The following KNDC1 variants were observed in gnomAD, a reference collection of about 807,000 sequenced individuals.
KNDC1 encodes the protein kinase non-catalytic C-lobe domain-containing protein 1.
KNDC1 carries 106 observed loss-of-function variants against 172.8 expected under a neutral mutation model. The ratio of observed to expected loss-of-function variants is 0.61; its 90% CI spans 0.52 to 0.72. The LOEUF (loss-of-function observed/expected upper bound fraction) is 0.72. Ranked by LOEUF, KNDC1 falls within the 30% of genes least tolerant of loss-of-function variation. The pLI is 0.00. For synonymous variants in KNDC1, 1,083 were observed against 1,062.2 expected (o/e 1.02, Z -0.38); for missense variants, 2,325 against 2,394.5 (o/e 0.97, Z 0.61).
chr10:133,188,186 G>A (rs932776310), intron 6 of KNDC1, among the ~76,000 whole-genome samples: 5 of 152,186 alleles, frequency 3.3e-5, no homozygotes, highest in Admixed American at 2.6e-4. Context: ...TGGGAACATG[G>A]GTGTGCACGT....
rs757206268 is a variant in KNDC1 at position 133,186,390 on chromosome 10, A to G, written c.1042A>G (p.Arg348Gly). 5 of 1,612,786 alleles carry G rather than the reference A, an allele frequency of 3.1e-6. No homozygotes were observed. Among genetic ancestry groups the G allele is most frequent in the African/African-American group, 1.3e-5 (1 of 75,048 alleles). The change falls in exon 6 of 30, where the codon AGG becomes GGG. Residue 348 changes from arginine (R) to glycine (G), a missense_variant. Physicochemically the swap from Arg to Gly is moderately radical, Grantham distance 125. Transcript: ENST00000304613. ...GGACCCCAGGAAGGCCTTTCTGGAC[A>G]GGAAAAATGGCCTTTCTAGCTTCCA... ...SPDPRKAFLD[R>G]KNGLSSFQAQ...
intron 16 of KNDC1, among the ~76,000 whole-genome samples, chr10:133,200,979 G>A (rs962115064): frequency 6.6e-5 from 10 of 152,230 alleles, no homozygotes; most frequent in African/African-American, 2.4e-4. Flanking sequence ...CCCTCAGGCT[G>A]TCCGTAGTCG....
intron 1 of KNDC1, among the ~76,000 whole-genome samples, chr10:133,160,778 G>GT (rs1427609034): frequency 6.6e-6 from 1 of 152,186 alleles, no homozygotes; most frequent in Non-Finnish European, 1.5e-5. Flanking sequence ...ACGGCGGCGG[G>GT]TGGGCAGCCC....
intron 5 of KNDC1, among the ~76,000 whole-genome samples, chr10:133,185,301 TGTAGA>T (rs1465209373): frequency 6.7e-6 from 1 of 148,972 alleles, no homozygotes; most frequent in African/African-American, 2.5e-5. Flanking sequence ...GTGTGTGCAG[TGTAGA>T]GTAGGCAGTG....
At chr10:133,211,940 C>A in intron 23 of KNDC1, 82 bp downstream of exon 23, 1 of 1,343,068 alleles carries the variant, frequency 7.4e-7, no homozygotes, top group Non-Finnish European at 1.0e-6. Context: ...ACAACTGGTG[C>A]ATGCACACAC....
chr10:133,168,171 C>T (rs1853241130), intron 2 of KNDC1, 83 bp from the exon 3 acceptor site: 1 of 1,292,974 alleles, frequency 7.7e-7, no homozygotes, highest in Non-Finnish European at 1.1e-6. Flanking sequence ...GGGCCGCTCC[C>T]TCTCCAGGCC....
At chr10:133,188,174 G>C (rs925361362) in intron 6 of KNDC1, among the ~76,000 whole-genome samples, 9 of 152,190 alleles carry the variant, frequency 5.9e-5, no homozygotes, top group African/African-American at 2.2e-4. Flanking sequence ...GAGCCGTGCT[G>C]CTGGGAACAT....
At chr10:133,189,246 C>T (rs1053372238) in intron 7 of KNDC1, among the ~76,000 whole-genome samples, 1 of 152,144 alleles carries the variant, frequency 6.6e-6, no homozygotes, top group African/African-American at 2.4e-5. Flanking sequence ...GTCCGTCCAC[C>T]GTGAGCCCGT....
At position 133,199,498 on chromosome 10, in the gene KNDC1, T is replaced by C. The variant is rs771197428; in HGVS notation, c.2799T>C (p.Thr933=). ...CCTTGAAAGATCTCACCTTTGCCAC[T>C]TTCTGTGGCGCCATTTCCGAGAAGT... is the stretch of plus-strand genomic sequence containing the variant. ...IFALKDLTFA[T]FCGAISEKFC... The change falls in exon 15 of 30, where the codon ACT becomes ACC. Residue 933 remains threonine, a synonymous_variant. Coordinates refer to ENST00000304613, the MANE Select transcript of KNDC1 (RefSeq NM_152643.8). 42 of 1,613,830 alleles carry C rather than the reference T, an allele frequency of 2.6e-5. No homozygotes were observed. The Admixed American group carries it at 6.8e-4, about 26-fold the overall frequency.
intron 3 of KNDC1, among the ~76,000 whole-genome samples, chr10:133,180,329 T>A (rs995833096): frequency 1.3e-5 from 2 of 152,162 alleles, no homozygotes; most frequent in African/African-American, 4.8e-5. Context: ...GCTCTGCACC[T>A]CGAGGGCCGA....
chr10:133,162,945 T>C (rs1166774603), intron 1 of KNDC1, among the ~76,000 whole-genome samples: 1 of 152,194 alleles, frequency 6.6e-6, no homozygotes. Flanking sequence ...CTGGAGGAAG[T>C]GACCAGGTTG....
In KNDC1 at chr10:133,219,851, C is replaced by G; in HGVS notation, c.4861-104C>G. On this transcript the variant is annotated intron_variant, in intron 28 of 29. Coordinates refer to ENST00000304613, the MANE Select transcript of KNDC1 (RefSeq NM_152643.8). ...CCGGGTAGACCCCGTGCGTGGAGAA[C>G]GCAGGACCCGCTGGGACTGGTTGGG... is the stretch of plus-strand genomic sequence containing the variant. 2 of 1,176,262 alleles carry G rather than the reference C, an allele frequency of 1.7e-6. 1 individual carries two copies. The highest frequency in any genetic ancestry group is 3.3e-5 in the South Asian group (2 of 60,706). The allele number at this position is 1,176,262 out of a possible 1,614,324, so 72.9% of individuals were successfully genotyped here.
chr10:133,195,386 G>A (rs552763341), intron 9 of KNDC1, among the ~76,000 whole-genome samples: 31 of 152,320 alleles, frequency 2.0e-4, no homozygotes, highest in African/African-American at 7.0e-4. Context: ...GAGAGTGGAA[G>A]GTGGGAAAGT....
chr10:133,211,648 G>C, intron 22 of KNDC1, 31 bp from the exon 23 acceptor site: 1 of 1,590,820 alleles, frequency 6.3e-7, no homozygotes, highest in Non-Finnish European at 8.6e-7. Context: ...GAAGGTGGCA[G>C]TGACCCCCCC....
chr10:133,185,040 G>A (rs888370196), intron 5 of KNDC1, among the ~76,000 whole-genome samples: 33 of 152,410 alleles, frequency 2.2e-4, no homozygotes, highest in African/African-American at 7.0e-4. Flanking sequence ...ACGGAGCCCC[G>A]TGGGGCCTCA....
Position 133,168,133 on chromosome 10 carries a change from G to T in KNDC1, c.302-121G>T, listed in dbSNP as rs550079177. On this transcript the variant is annotated intron_variant, in intron 2 of 29. Coordinates refer to ENST00000304613, the MANE Select transcript of KNDC1 (RefSeq NM_152643.8). ...TTTTCATGGCCTAAAATGGTCTGGG[G>T]ACACCAGGTCTGCGGGGAGGGAACC... 3 of 833,034 alleles carry T rather than the reference G, an allele frequency of 3.6e-6. No individual in the cohort carries two copies. The African/African-American group carries it at 5.0e-5, about 14-fold the overall frequency. 51.6% of individuals were successfully genotyped at this position (833,034 alleles called of 1,614,324 possible). A position where few individuals can be genotyped will look rare whatever the true frequency, so the allele number is the denominator to read the frequency against.
At position 133,209,869 on chromosome 10, in the gene KNDC1, C is replaced by T. The variant is rs1845319903; in HGVS notation, c.3795-742C>T. 6.6e-6 allele frequency among the ~76,000 whole-genome samples: 1 copy of T among 152,096 alleles called. No individual in the cohort carries two copies. The highest frequency in any genetic ancestry group is 2.1e-4 in the South Asian group (1 of 4,834). ...AGGAGGCCTTGCCAGGCCTCCGCTTCCTGACCGTGGCCGTCGGGCTCCCAG... is the reference window on the plus strand; with the variant it reads ...AGGAGGCCTTGCCAGGCCTCCGCTTTCTGACCGTGGCCGTCGGGCTCCCAG... On this transcript the variant is annotated intron_variant, in intron 20 of 29. Coordinates refer to ENST00000304613, the MANE Select transcript of KNDC1 (RefSeq NM_152643.8). This position sits in a 1 kb window ranked among gnomAD's most constrained non-coding sequence, Gnocchi z 4.9.
intron 19 of KNDC1, 52 bp from the exon 20 acceptor site, chr10:133,207,085 A>G: frequency 6.5e-7 from 1 of 1,543,204 alleles, no homozygotes; most frequent in Non-Finnish European, 8.8e-7. Context: ...AATGCCAGGA[A>G]GCCCTGGGGC....
chr10:133,195,270 C>CG (rs968775707), intron 9 of KNDC1, among the ~76,000 whole-genome samples: 4 of 152,202 alleles, frequency 2.6e-5, no homozygotes, highest in Admixed American at 2.6e-4. Context: ...CGGCACCAGT[C>CG]GGGGGGCTTC....
Sources: allele counts gnomAD v4.1 joint callset (sites outside exome capture counted in the v4.1 genomes callset), GRCh38; gene constraint gnomAD v4.1.1; non-coding constraint Gnocchi (gnomAD v3.1); transcripts MANE v1.5; gene names NCBI Gene and HGNC (gene_info 2026-07-23, HGNC 2026-07-21).